Variants in SRBD1 observed in about 807,000 individuals in gnomAD.
SRBD1 encodes the protein S1 RNA-binding domain-containing protein 1.
Under a neutral mutation model 115.3 loss-of-function variants are expected in SRBD1, and 88 were observed. That is an observed-to-expected ratio of 0.76 (90% confidence interval 0.64 to 0.91). The LOEUF is 0.91. Ranked by LOEUF, SRBD1 falls within the 40% of genes least tolerant of loss-of-function variation. SRBD1 has a pLI of 0.00. For synonymous variants in SRBD1, 509 were observed against 407.7 expected, an observed-to-expected ratio of 1.25 and a Z score of -2.99; for missense variants, 1,385 against 1,177.4, an observed-to-expected ratio of 1.18 and a Z score of -2.58.
At chr2:45,425,952 G>GT (rs944498599) in intron 16 of SRBD1, among the ~76,000 whole-genome samples, 43 of 150,170 alleles carry the variant, frequency 2.9e-4, no homozygotes, top group African/African-American at 6.6e-4. Flanking sequence ...AGCTGCAGGA[G>GT]TTTTTTTTTT....
intron 19 of SRBD1, among the ~76,000 whole-genome samples, chr2:45,396,527 T>C (rs1054860854): frequency 6.6e-6 from 1 of 152,182 alleles, no homozygotes; most frequent in African/African-American, 2.4e-5. Context: ...GAAAGTACCA[T>C]AAATGCAACA....
chr2:45,396,311 T>G (rs958406238), intron 19 of SRBD1, among the ~76,000 whole-genome samples: 1 of 152,184 alleles, frequency 6.6e-6, no homozygotes, highest in Admixed American at 6.5e-5. Flanking sequence ...AATAATTTAC[T>G]GGCAGATTAC....
Position 45,465,691 on chromosome 2 carries a change from G to T in SRBD1, c.2049+11302C>A, listed in dbSNP as rs1334771994. Among the ~76,000 whole-genome samples, 3 of 152,074 alleles carry T rather than the reference G, an allele frequency of 2.0e-5. No homozygotes were observed. The South Asian group carries it at 6.2e-4, about 32-fold the overall frequency. On this transcript the variant is annotated intron_variant, in intron 16 of 20. Coordinates refer to ENST00000263736, the MANE Select transcript of SRBD1 (RefSeq NM_018079.5). Reference sequence around the variant, plus strand: ...TCAGGTTTAAAATTTTAAGTGAAAGGCTACACTTTTTAATGTAACCTTGAT... The same window carrying T: ...TCAGGTTTAAAATTTTAAGTGAAAGTCTACACTTTTTAATGTAACCTTGAT...
chr2:45,475,440 T>A (rs1379094092), intron 16 of SRBD1, among the ~76,000 whole-genome samples: 2 of 152,180 alleles, frequency 1.3e-5, no homozygotes, highest in Non-Finnish European at 2.9e-5. Flanking sequence ...TTAAACCTCT[T>A]CTATTACTTC....
In SRBD1 at chr2:45,573,324, A is replaced by T; in HGVS notation, c.1188T>A (p.Val396=). The part of the protein sequence containing the change: ...FIRNLCQKRH[V]CIQSSLAKVS... ...CTTTTGCCAGAGATGACTGGATACA[A>T]ACATGTCTCTTCTGGCACCTGTTCA... The change falls in exon 9 of 21, where the codon GTT becomes GTA. Residue 396 remains valine (V), a synonymous_variant. Coordinates refer to ENST00000263736, the MANE Select transcript of SRBD1 (RefSeq NM_018079.5). The T allele has an allele frequency of 5.0e-6, 8 of 1,610,740 alleles. No individual in the cohort carries two copies. Among genetic ancestry groups the T allele is most frequent in the Non-Finnish European group, 6.8e-6 (8 of 1,178,946 alleles).
intron 14 of SRBD1, among the ~76,000 whole-genome samples, chr2:45,536,290 A>G (rs1335597319): frequency 6.6e-6 from 1 of 152,002 alleles, no homozygotes; most frequent in Non-Finnish European, 1.5e-5. Context: ...TATGAATGAC[A>G]TAATTCATAC....
intron 14 of SRBD1, among the ~76,000 whole-genome samples, chr2:45,509,315 G>A (rs184825371): frequency 1.4e-4 from 21 of 151,748 alleles, no homozygotes; most frequent in Middle Eastern, 3.4e-3. Context: ...ACACACACAA[G>A]GCAGGGCATG....
intron 15 of SRBD1, among the ~76,000 whole-genome samples, chr2:45,481,377 T>G (rs1236130778): frequency 6.6e-6 from 1 of 151,886 alleles, no homozygotes; most frequent in East Asian, 1.9e-4. Context: ...TTCTTGAAAG[T>G]AAGAGGGAGG....
chr2:45,551,429 T>C (rs781668925), intron 11 of SRBD1, 147 bp from the exon 12 acceptor site: 8 of 831,848 alleles, frequency 9.6e-6, no homozygotes, highest in Admixed American at 3.3e-5. Context: ...AAAAATTATA[T>C]TGAGTCTATT....
chr2:45,392,882 A>T lies in SRBD1; in HGVS notation c.2698+63T>A. The T allele has an allele frequency of 2.1e-6, 3 of 1,439,398 alleles. No homozygotes were observed. In the South Asian group the frequency reaches 4.3e-5, roughly 21 times the overall value. The allele number at this position is 1,439,398 out of a possible 1,614,324, so 89.2% of individuals were successfully genotyped here. On this transcript the variant is annotated intron_variant, in intron 20 of 20. Transcript: ENST00000263736. The stretch of plus-strand genomic sequence containing the variant: ...CTTATGGCATAGGATTGCTGTGAGG[A>T]TCAAAGGAGATAATGGGAGCTATGC...
chr2:45,391,768 C>G (rs1264837394), intron 20 of SRBD1, among the ~76,000 whole-genome samples: 2 of 152,038 alleles, frequency 1.3e-5, no homozygotes, highest in Non-Finnish European at 2.9e-5. Context: ...GATCTTTGCT[C>G]TGAGTCTACA....
At position 45,546,879 on chromosome 2, in the gene SRBD1, C is replaced by T. The variant is rs555642697; in HGVS notation, c.1767-40G>A. On this transcript the variant is annotated intron_variant, in intron 13 of 20. Transcript: ENST00000263736. ...CAGAATGACAAACTGAATTTCAAGG[C>T]ATGCTTTGAAATCAGCTGGAGAAAA... The T allele has an allele frequency of 2.3e-5, 36 of 1,582,192 alleles. No homozygotes were observed. The Admixed American group carries it at 6.0e-4, about 26-fold the overall frequency.
chr2:45,431,998 TAAAAG>T (rs1668352404), intron 16 of SRBD1, among the ~76,000 whole-genome samples: 1 of 143,192 alleles, frequency 7.0e-6, no homozygotes, highest in Admixed American at 7.2e-5. Context: ...ACTAAAGAGT[TAAAAG>T]TATTTATTTA....
chr2:45,394,089 C>A (rs1307270025), intron 19 of SRBD1, among the ~76,000 whole-genome samples: 1 of 152,180 alleles, frequency 6.6e-6, no homozygotes, highest in Non-Finnish European at 1.5e-5. Flanking sequence ...AAAATGGAAG[C>A]AGGTAAAACT....
At chr2:45,463,389 T>C (rs1293497475) in intron 16 of SRBD1, among the ~76,000 whole-genome samples, 3 of 152,232 alleles carry the variant, frequency 2.0e-5, no homozygotes. Flanking sequence ...CATTTGCCTG[T>C]GCTATTCTTA....
intron 4 of SRBD1, among the ~76,000 whole-genome samples, chr2:45,598,898 G>A (rs777161612): frequency 3.2e-4 from 49 of 152,042 alleles, no homozygotes; most frequent in Non-Finnish European, 3.1e-4. Context: ...GCTACTCTTC[G>A]GGTCTCCAAT....
intron 4 of SRBD1, among the ~76,000 whole-genome samples, chr2:45,591,160 T>A (rs1673709726): frequency 1.3e-5 from 2 of 152,140 alleles, no homozygotes; most frequent in Non-Finnish European, 2.9e-5. Context: ...GGGATAACAT[T>A]CCCATTGTAA....
At chr2:45,439,374 T>C (rs1407419116) in intron 16 of SRBD1, among the ~76,000 whole-genome samples, 3 of 148,766 alleles carry the variant, frequency 2.0e-5, no homozygotes, top group African/African-American at 7.5e-5. Context: ...TATATATATA[T>C]ATATAAAACA....
chr2:45,512,535 C>T (rs757971096), intron 14 of SRBD1, among the ~76,000 whole-genome samples: 5 of 152,278 alleles, frequency 3.3e-5, no homozygotes, highest in South Asian at 2.1e-4. Flanking sequence ...CAGGCATTTA[C>T]ACCAAGGGCA....
Sources: allele counts gnomAD v4.1 joint callset (sites outside exome capture counted in the v4.1 genomes callset), GRCh38; gene constraint gnomAD v4.1.1; transcripts MANE v1.5; gene names NCBI Gene and HGNC (gene_info 2026-07-23, HGNC 2026-07-21).